SYNE2: variants seen among roughly 807,000 people sequenced by gnomAD.
The protein encoded by SYNE2 is nesprin-2.
A neutral mutation model predicts 856.3 loss-of-function variants in SYNE2; 431 were observed. The observed-to-expected ratio is 0.50, with a 90% CI of 0.47 to 0.55. The LOEUF (loss-of-function observed/expected upper bound fraction) is 0.55. Among genes scored for constraint, SYNE2 ranks in the 20% least tolerant of loss-of-function variants. The probability of loss-of-function intolerance (pLI) is 0.00; values close to 1 mark genes in which losing one functional copy is unlikely to be tolerated. For synonymous variants in SYNE2, 2,923 were observed against 2,872.3 expected, an observed-to-expected ratio of 1.02 and a Z score of -0.56; for missense variants, 8,129 against 8,023.2, an observed-to-expected ratio of 1.01 and a Z score of -0.50.
intron 31 of SYNE2, among the ~76,000 whole-genome samples, 173 bp downstream of exon 31, chr14:64,007,395 G>C (rs1233951194): frequency 6.6e-6 from 1 of 152,188 alleles, no homozygotes; most frequent in Non-Finnish European, 1.5e-5. Context: ...TAGAATTGTA[G>C]ATTATAGCCA....
rs1159688866 is a variant in SYNE2 at position 64,098,023 on chromosome 14, G to T, written c.12183G>T (p.Lys4061Asn). The T allele has an allele frequency of 3.7e-6, 6 of 1,614,186 alleles. No homozygotes were observed. The highest frequency in any genetic ancestry group is 1.1e-5 in the South Asian group (1 of 91,084). ...AAGAAGACCTGTTGGTGGACTTGAA[G>T]GCCACCGTACTAAACCTTCACCAGC... ...QRKEDLLVDL[K>N]ATVLNLHQHL... Residue 4061 changes from lysine (K) to asparagine (N), a missense_variant, in exon 62 of 116, where the codon AAG becomes AAT. By Grantham distance (94) the Lys-to-Asn change is moderately conservative (BLOSUM62 0). Coordinates refer to ENST00000555002, the MANE Select transcript of SYNE2 (RefSeq NM_182914.3).
At chr14:64,206,890 A>G (rs916017425) in intron 100 of SYNE2, among the ~76,000 whole-genome samples, 2 of 152,244 alleles carry the variant, frequency 1.3e-5, no homozygotes, top group African/African-American at 4.8e-5. Flanking sequence ...TAGTATTTAC[A>G]TGGGATATGT....
At chr14:63,993,667 A>C (rs764790541) in intron 21 of SYNE2, among the ~76,000 whole-genome samples, 168 bp from the exon 22 acceptor site, 14 of 152,220 alleles carry the variant, frequency 9.2e-5, no homozygotes, top group Non-Finnish European at 1.8e-4. Context: ...AAGGGCTAGC[A>C]ACCTCGATTT....
At chr14:63,846,128 G>C (rs763583132) in intron 1 of SYNE2, among the ~76,000 whole-genome samples, 29 of 149,208 alleles carry the variant, frequency 1.9e-4, no homozygotes, top group Admixed American at 1.8e-3. Context: ...TGGCTCACCA[G>C]AGCCTCAACT....
chr14:64,092,947 G>A (rs890124106), intron 60 of SYNE2, among the ~76,000 whole-genome samples: 10 of 152,100 alleles, frequency 6.6e-5, no homozygotes, highest in African/African-American at 2.4e-4. Context: ...CTTTCTATGC[G>A]GAAAGCCCCC....
chr14:64,178,518 C>T (rs2098444414), intron 96 of SYNE2, among the ~76,000 whole-genome samples: 1 of 152,190 alleles, frequency 6.6e-6, no homozygotes, highest in Middle Eastern at 3.2e-3. Flanking sequence ...AGTGCAGTGG[C>T]ACAGTCTCAG....
chr14:63,813,534 C>T (rs931052503), intron 1 of SYNE2, among the ~76,000 whole-genome samples: 10 of 152,352 alleles, frequency 6.6e-5, no homozygotes, highest in Non-Finnish European at 1.3e-4. Flanking sequence ...GTGGCTCACA[C>T]CTGTAATCCC....
chr14:63,900,644 T>G (rs1285478580), intron 1 of SYNE2, among the ~76,000 whole-genome samples: 1 of 152,152 alleles, frequency 6.6e-6, no homozygotes, highest in African/African-American at 2.4e-5. Context: ...TAGGATTGGT[T>G]GTTCTGGCAT....
chr14:63,845,570 A>T (rs1890200829), intron 1 of SYNE2, among the ~76,000 whole-genome samples: 1 of 152,072 alleles, frequency 6.6e-6, no homozygotes, highest in African/African-American at 2.4e-5. Flanking sequence ...TTCCTCAAAT[A>T]ATTGGCATGG....
intron 111 of SYNE2, 29 bp from the exon 112 acceptor site, chr14:64,221,547 G>A (rs376388937): frequency 2.5e-6 from 4 of 1,614,026 alleles, no homozygotes; most frequent in African/African-American, 2.7e-5. Context: ...TCTAAGACAC[G>A]GCCGCGCTCT....
chr14:63,848,471 ATTTTTATTG>A (rs1320398102), upstream of SYNE2: 2 of 152,144 alleles, frequency 1.3e-5, no homozygotes, highest in Admixed American at 6.5e-5. Context: ...AATGTCTCTT[ATTTTTATTG>A]TTTTTATTGT....
chr14:64,047,193 G>A (rs1274077188), intron 45 of SYNE2, among the ~76,000 whole-genome samples: 3 of 152,214 alleles, frequency 2.0e-5, no homozygotes, highest in Non-Finnish European at 4.4e-5. Context: ...GAAGCTGGAG[G>A]GGGGATGGGA....
intron 1 of SYNE2, among the ~76,000 whole-genome samples, chr14:63,796,927 A>C (rs940440033): frequency 6.6e-6 from 1 of 151,986 alleles, no homozygotes; most frequent in Non-Finnish European, 1.5e-5. Context: ...AAGATACAAA[A>C]AATTAGCCGG....
rs182149218 is a variant in SYNE2 at position 63,988,221 on chromosome 14, G to A, written c.2313+1604G>A. Among the ~76,000 whole-genome samples, 59 of 152,308 alleles carry A rather than the reference G, an allele frequency of 3.9e-4. 1 individual carries two copies. The South Asian group carries it at 6.8e-3, about 18-fold the overall frequency. ...GCCTCCCAAGTAGCTGGGATTACAG[G>A]CATGCGCCATCACGCCCAGCTAATT... On this transcript the variant is annotated intron_variant, in intron 19 of 115. Transcript: ENST00000555002.
At position 64,225,357 on chromosome 14, in the gene SYNE2, C is replaced by G. The variant is rs763200196; in HGVS notation, c.20555C>G (p.Ser6852Ter). ...ACACGGCCACAGCGCTCCTTCCTCTCAAGGGTGGTCCGGGCAGCCCTACCC... is the reference window on the plus strand; with the variant it reads ...ACACGGCCACAGCGCTCCTTCCTCTGAAGGGTGGTCCGGGCAGCCCTACCC... ...GSTRPQRSFL[S>*]RVVRAALPLQ... Residue 6852 changes from serine to a stop codon, truncating the protein, a stop_gained, in exon 116 of 116, where the codon TCA (serine) becomes TGA (stop). Transcript: ENST00000555002. LOFTEE classifies it high-confidence loss of function. 1 of 1,614,182 alleles carries G rather than the reference C, an allele frequency of 6.2e-7. No individual in the cohort carries two copies. Among genetic ancestry groups the G allele is most frequent in the Non-Finnish European group, 8.5e-7 (1 of 1,180,032 alleles).
chr14:63,769,656 G>A (rs1417033149), intron 1 of SYNE2, among the ~76,000 whole-genome samples: 45 of 108,794 alleles, frequency 4.1e-4, no homozygotes, highest in African/African-American at 1.5e-3. Context: ...GCAACAGAGC[G>A]AGACTCCATC....
At chr14:63,832,860 C>T (rs1253049474) in intron 1 of SYNE2, among the ~76,000 whole-genome samples, 3 of 114,036 alleles carry the variant, frequency 2.6e-5, no homozygotes, top group Non-Finnish European at 5.3e-5. Flanking sequence ...GAGAACCTGT[C>T]TCTACCAAAA....
intron 1 of SYNE2, among the ~76,000 whole-genome samples, chr14:63,814,383 T>TTA (rs1458444667): frequency 2.7e-5 from 4 of 147,188 alleles, no homozygotes; most frequent in Non-Finnish European, 6.0e-5. Context: ...AGGATATATA[T>TTA]TATATATATA....
chr14:63,847,343 G>A (rs1056976491), intron 1 of SYNE2, among the ~76,000 whole-genome samples: 2 of 151,734 alleles, frequency 1.3e-5, no homozygotes, highest in Non-Finnish European at 2.9e-5. Flanking sequence ...TGTAGTCCCA[G>A]CTACTCAGGA....
Sources: allele counts gnomAD v4.1 joint callset (sites outside exome capture counted in the v4.1 genomes callset), GRCh38; gene constraint gnomAD v4.1.1; transcripts MANE v1.5; gene names NCBI Gene and HGNC (gene_info 2026-07-23, HGNC 2026-07-21).